Variants in SS18L1 observed in about 807,000 individuals in gnomAD.
The protein encoded by SS18L1 is SS18L1 subunit of BAF chromatin remodeling complex, also known as calcium-responsive transactivator.
A neutral mutation model predicts 70.3 loss-of-function variants in SS18L1; 32 were observed. That is an observed-to-expected ratio of 0.46 (90% confidence interval 0.34 to 0.61). The LOEUF (loss-of-function observed/expected upper bound fraction) is 0.61, where lower values mean the gene tolerates loss of function less well. Among genes scored for constraint, SS18L1 ranks in the 20% least tolerant of loss-of-function variants. The probability of loss-of-function intolerance (pLI) is 0.01; values close to 1 mark genes in which losing one functional copy is unlikely to be tolerated. For missense variants in SS18L1, 430 were observed against 542.1 expected, an observed-to-expected ratio of 0.79 and a Z score of 2.05; for synonymous variants, 237 against 229.7, an observed-to-expected ratio of 1.03 and a Z score of -0.29.
intron 8 of SS18L1, 79 bp from the exon 9 acceptor site, chr20:62,172,603 C>G: frequency 6.3e-7 from 1 of 1,599,398 alleles, no homozygotes; most frequent in Non-Finnish European, 8.6e-7. Flanking sequence ...CCAAAGTTAC[C>G]GTGTCGTGAG....
chr20:62,154,258 C>T (rs1435744718), intron 1 of SS18L1: 4 of 955,618 alleles, frequency 4.2e-6, no homozygotes, highest in Non-Finnish European at 5.1e-6. Context: ...GTTCATCTTC[C>T]TTGTCTTTGA....
In SS18L1 at chr20:62,163,927, G is replaced by A. The variant is rs141055893; in HGVS notation, c.722-218G>A. Among the ~76,000 whole-genome samples the A allele has an allele frequency of 3.8e-3, 586 of 152,258 alleles. 2 individuals carry two copies. Among genetic ancestry groups the A allele is most frequent in the Non-Finnish European group, 6.1e-3 (415 of 68,000 alleles). ...AGCACTTTGGGAGGCCGAGGTGGGC[G>A]GATCACCTGAGGCCAGGTGCTCAAG... is the stretch of plus-strand genomic sequence containing the variant. On this transcript the variant is annotated intron_variant, in intron 6 of 10. Transcript: ENST00000331758.
chr20:62,164,542 G>T (rs1251505358), intron 7 of SS18L1, among the ~76,000 whole-genome samples: 1 of 152,262 alleles, frequency 6.6e-6, no homozygotes, highest in Non-Finnish European at 1.5e-5. Context: ...GTTGGAGGCG[G>T]ATAATTGTAG....
At position 62,158,636 on chromosome 20, in the gene SS18L1, C is replaced by T. The variant is rs763690172; in HGVS notation, c.70-36C>T. The T allele has an allele frequency of 6.2e-7, 1 of 1,607,216 alleles. No individual in the cohort carries two copies. Among genetic ancestry groups the T allele is most frequent in the South Asian group, 1.1e-5 (1 of 90,768 alleles). The stretch of plus-strand genomic sequence containing the variant: ...TTCATCCCGAGGGTCAGCGACAGCC[C>T]CGCGTCGGCAGCGCCCGCTCACGCT... On this transcript the variant is annotated intron_variant, in intron 1 of 10. Transcript: ENST00000331758. The surrounding 1 kb of genome is among the most constrained non-coding windows in gnomAD (Gnocchi z 4.5).
At chr20:62,177,071 TGTCAGATGCCCCA>T (rs1407791808) in intron 10 of SS18L1, among the ~76,000 whole-genome samples, 1 of 152,192 alleles carries the variant, frequency 6.6e-6, no homozygotes, top group Non-Finnish European at 1.5e-5. Flanking sequence ...CTCCAGACAT[TGTCAGATGCCCCA>T]GGGGCAAAAC....
Position 62,161,230 on chromosome 20 carries a change from C to A in SS18L1, c.232-206C>A, listed in dbSNP as rs1009939739. On this transcript the variant is annotated intron_variant, in intron 3 of 10. Transcript: ENST00000331758. This position sits in a 1 kb window ranked among gnomAD's most constrained non-coding sequence, Gnocchi z 4.4. ...TACTCAGTAGGGTTGTGAACGCTCA[C>A]CCAGATGCTCACTCTGCCATCTCCA... Among the ~76,000 whole-genome samples the A allele has an allele frequency of 5.3e-5, 8 of 150,552 alleles. No individual in the cohort carries two copies. The highest frequency in any genetic ancestry group is 4.0e-4 in the Admixed American group (6 of 15,044).
intron 1 of SS18L1, among the ~76,000 whole-genome samples, chr20:62,148,770 A>G (rs2057077311): frequency 6.6e-6 from 1 of 152,246 alleles, no homozygotes; most frequent in Non-Finnish European, 1.5e-5. Context: ...AAGCCTGGCC[A>G]TACACCCTCT....
rs1295318935 is a variant in SS18L1 at position 62,174,884 on chromosome 20, G to A, written c.1164+240G>A. 9.1e-6 allele frequency: 9 copies of A among 985,304 alleles called. No homozygotes were observed. The highest frequency in any genetic ancestry group is 1.1e-5 in the Non-Finnish European group (9 of 829,940). 61.0% of individuals were successfully genotyped at this position (985,304 alleles called of 1,614,324 possible). On this transcript the variant is annotated intron_variant, in intron 10 of 10. Transcript: ENST00000331758. This position sits in a 1 kb window ranked among gnomAD's most constrained non-coding sequence, Gnocchi z 4.1. The stretch of plus-strand genomic sequence containing the variant: ...GCTCACCGTTAGATCTGCACGCCTG[G>A]TTCTCACATTCATTCACTCTGCCAG...
chr20:62,176,267 C>A (rs946467340), intron 10 of SS18L1, among the ~76,000 whole-genome samples: 1 of 152,234 alleles, frequency 6.6e-6, no homozygotes, highest in African/African-American at 2.4e-5. Context: ...CCTGTAATCC[C>A]AGCACTTTGG....
In SS18L1 at chr20:62,150,633, ATTTTTTTTTTTTTTTTTTTTTTTTT is replaced by A. The variant is rs34708339; in HGVS notation, c.69+6757_69+6781del. ...CGGAGCATAAGAAACATTGAGGTGG[ATTTTTTTTTTTTTTTTTTTTTTTTT>A]TTTTTTTTTTTTGGAGACAGAGTCT... is the stretch of plus-strand genomic sequence containing the variant. On this transcript the variant is annotated intron_variant, in intron 1 of 10. Transcript: ENST00000331758. Among the ~76,000 whole-genome samples, 10 of 58,054 alleles carry A rather than the reference ATTTTTTTTTTTTTTTTTTTTTTTTT, an allele frequency of 1.7e-4. 1 individual carries two copies. The highest frequency in any genetic ancestry group is 0.012 in the Middle Eastern group (1 of 82). The allele number at this position is 58,054 out of a possible 152,430, so 38.1% of individuals were successfully genotyped here. A position where few individuals can be genotyped will look rare whatever the true frequency, so the allele number is the denominator to read the frequency against.
chr20:62,160,377 AGAGGTGGGG>A (rs1171984712), intron 3 of SS18L1, among the ~76,000 whole-genome samples: 3 of 7,266 alleles, frequency 4.1e-4, no homozygotes, highest in Admixed American at 3.0e-3. Context: ...AGAGGTGGGG[AGAGGTGGGG>A]TGGGGAGAGG....
intron 8 of SS18L1, among the ~76,000 whole-genome samples, chr20:62,166,907 A>G (rs906285263): frequency 2.6e-5 from 4 of 151,448 alleles, no homozygotes; most frequent in African/African-American, 9.7e-5. Flanking sequence ...CCTGGGCAAC[A>G]AGAGTGAAAC....
chr20:62,163,388 G>A, intron 5 of SS18L1, 70 bp from the exon 6 acceptor site: 1 of 1,600,884 alleles, frequency 6.2e-7, no homozygotes, highest in Non-Finnish European at 8.5e-7. Flanking sequence ...GGGCGCAGGA[G>A]GTAGTTGGGT....
In SS18L1 at chr20:62,158,635, C is replaced by T. The variant is rs1286533419; in HGVS notation, c.70-37C>T. 1 of 1,606,678 alleles carries T rather than the reference C, an allele frequency of 6.2e-7. No individual in the cohort carries two copies. Among genetic ancestry groups the T allele is most frequent in the African/African-American group, 1.3e-5 (1 of 74,826 alleles). On this transcript the variant is annotated intron_variant, in intron 1 of 10. Coordinates refer to ENST00000331758, the MANE Select transcript of SS18L1 (RefSeq NM_198935.3). This position sits in a 1 kb window ranked among gnomAD's most constrained non-coding sequence, Gnocchi z 4.5. ...GTTCATCCCGAGGGTCAGCGACAGC[C>T]CCGCGTCGGCAGCGCCCGCTCACGC...
At chr20:62,152,663 A>C (rs749982352) in intron 1 of SS18L1, among the ~76,000 whole-genome samples, 2 of 152,192 alleles carry the variant, frequency 1.3e-5, no homozygotes, top group African/African-American at 2.4e-5. Flanking sequence ...TTCTTTGTTC[A>C]GCTTAGTGTT....
At chr20:62,144,476 G>C (rs557730964) in intron 1 of SS18L1, among the ~76,000 whole-genome samples, 2 of 152,220 alleles carry the variant, frequency 1.3e-5, no homozygotes, top group African/African-American at 4.8e-5. Flanking sequence ...GGAAGGACGC[G>C]TCCCGATCCC....
In SS18L1 at chr20:62,174,628, C is replaced by A. The variant is rs1222366782; in HGVS notation, c.1148C>A (p.Pro383His). The A allele has an allele frequency of 6.2e-7, 1 of 1,613,516 alleles. No individual in the cohort carries two copies. Among genetic ancestry groups the A allele is most frequent in the Non-Finnish European group, 8.5e-7 (1 of 1,180,028 alleles). The change falls in exon 10 of 11, where the codon CCC becomes CAC. Residue 383 changes from proline (P) to histidine (H), a missense_variant. Coordinates refer to ENST00000331758, the MANE Select transcript of SS18L1 (RefSeq NM_198935.3). This position sits in a 1 kb window ranked among gnomAD's most constrained non-coding sequence, Gnocchi z 4.1. ...GCGCCGTCTGCCCAGCAGCAGCGGC[C>A]CTACGGCTATGAACAGGCAAGCTTT... ...QTAPSAQQQR[P>H]YGYEQGQYGN...
At chr20:62,178,130 T>C (rs1206836876) in intron 10 of SS18L1, among the ~76,000 whole-genome samples, 3 of 144,872 alleles carry the variant, frequency 2.1e-5, no homozygotes, top group Admixed American at 1.4e-4. Flanking sequence ...CGCCACAACA[T>C]GTGGCTTATT....
At chr20:62,162,626 C>A in intron 4 of SS18L1, 126 bp from the exon 5 acceptor site, 2 of 952,948 alleles carry the variant, frequency 2.1e-6, no homozygotes, top group Non-Finnish European at 3.0e-6. Context: ...GTCACTTAAT[C>A]ATTAATAGTG....
Sources: gnomAD v4.1 joint callset for allele counts (sites outside exome capture counted in the v4.1 genomes callset) on GRCh38, gnomAD v4.1.1 for gene constraint, Gnocchi (gnomAD v3.1) non-coding constraint, MANE v1.5 for transcripts, NCBI Gene and HGNC (gene_info 2026-07-23, HGNC 2026-07-21) for gene names.